The following LUM variants were observed in gnomAD, a reference collection of about 807,000 sequenced individuals.
The protein encoded by LUM is lumican.
In LUM, 13 loss-of-function variants were observed where a neutral mutation model predicts 20.5. The ratio of observed to expected loss-of-function variants is 0.63; its 90% CI spans 0.41 to 1.01. LUM has a LOEUF of 1.01. LUM is among the 50% of genes least tolerant of loss of function. LUM has a pLI of 0.00. For missense variants in LUM, 321 were observed against 391.1 expected, an observed-to-expected ratio of 0.82 and a Z score of 1.51; for synonymous variants, 173 against 151.5, an observed-to-expected ratio of 1.14 and a Z score of -1.04.
chr12:91,108,008 C>T lies in LUM; in HGVS notation c.862+110G>A. On this transcript the variant is annotated intron_variant, in intron 2 of 2. Transcript: ENST00000266718. This position sits in a 1 kb window ranked among gnomAD's most constrained non-coding sequence, Gnocchi z 4.2. The stretch of plus-strand genomic sequence containing the variant: ...ATTTACAGGAATGAGCCACAGCGCC[C>T]GGGCGACATTTTGTTTTTTTAATGG... The T allele has an allele frequency of 3.9e-6, 5 of 1,276,874 alleles. No individual in the cohort carries two copies. Among genetic ancestry groups the T allele is most frequent in the Admixed American group, 1.7e-5 (1 of 59,288 alleles). 79.1% of individuals were successfully genotyped at this position (1,276,874 alleles called of 1,614,324 possible). A position where few individuals can be genotyped will look rare whatever the true frequency, so the allele number is the denominator to read the frequency against.
chr12:91,109,166 A>G (rs550343061), intron 1 of LUM, among the ~76,000 whole-genome samples, 166 bp from the exon 2 acceptor site: 22 of 152,354 alleles, frequency 1.4e-4, no homozygotes, highest in African/African-American at 4.8e-4. Flanking sequence ...GTATGAGGAC[A>G]AAGGTGTATG....
At chr12:91,111,312 G>T (rs554413383) in intron 1 of LUM, 86 bp downstream of exon 1, 2 of 152,294 alleles carry the variant, frequency 1.3e-5, no homozygotes, top group Non-Finnish European at 2.9e-5. Flanking sequence ...TGGCAAAATT[G>T]CTCTGGAATT....
chr12:91,106,346 A>G (rs1880032117), intron 2 of LUM, among the ~76,000 whole-genome samples: 1 of 152,122 alleles, frequency 6.6e-6, no homozygotes, highest in South Asian at 2.1e-4. Context: ...AGACATTATT[A>G]CTTTATATGT....
chr12:91,107,297 GAAAGAAAGAAAGAAAGAAAGAA>G (rs1880091408), intron 2 of LUM, among the ~76,000 whole-genome samples: 1 of 104,370 alleles, frequency 9.6e-6, no homozygotes, highest in African/African-American at 3.8e-5. Context: ...GAGAAAGAAA[GAAAGAAAGAAAGAAAGAAAGAA>G]AGAAAGAAAG....
At chr12:91,105,516 A>G (rs1042102300) in intron 2 of LUM, among the ~76,000 whole-genome samples, 1 of 152,180 alleles carries the variant, frequency 6.6e-6, no homozygotes, top group Non-Finnish European at 1.5e-5. Context: ...ATATTCCCTA[A>G]TATTAGAAAA....
rs1592661354 is a variant in LUM at position 91,104,261 on chromosome 12, C to G, written c.921G>C (p.Lys307Asn). 6.2e-7 allele frequency: 1 copy of G among 1,612,892 alleles called. No individual in the cohort carries two copies. Among genetic ancestry groups the G allele is most frequent in the African/African-American group, 1.3e-5 (1 of 74,972 alleles). The change falls in exon 3 of 3, where the codon AAG (lysine) becomes AAC (asparagine). Residue 307 changes from lysine to asparagine, a missense_variant. Coordinates refer to ENST00000266718, the MANE Select transcript of LUM (RefSeq NM_002345.4). ...ILGPLSYSKI[K>N]HLRLDGNRIS... is the part of the protein sequence containing the mutation. ...TGCGATTGCCATCCAAACGCAAATG[C>G]TTGATCTTGGAGTAGGATAATGGCC...
rs144214151 is a variant in LUM at position 91,108,422 on chromosome 12, G to C, written c.558C>G (p.Leu186=). 4.3e-6 allele frequency: 7 copies of C among 1,614,088 alleles called. No individual in the cohort carries two copies. Among genetic ancestry groups the C allele is most frequent in the Non-Finnish European group, 5.9e-6 (7 of 1,179,994 alleles). ...VSAAFKGLKS[L]EYLDLSFNQI... ...GATTGAAGCTCAAGTCAAGGTATTC[G>C]AGTGATTTAAGACCTTTAAAAGCAG... The change falls in exon 2 of 3, where the codon CTC becomes CTG. Residue 186 remains leucine, a synonymous_variant. Coordinates refer to ENST00000266718, the MANE Select transcript of LUM (RefSeq NM_002345.4). The surrounding 1 kb of genome is among the most constrained non-coding windows in gnomAD (Gnocchi z 4.2).
At chr12:91,105,378 T>C (rs1880007856) in intron 2 of LUM, among the ~76,000 whole-genome samples, 1 of 152,176 alleles carries the variant, frequency 6.6e-6, no homozygotes, top group African/African-American at 2.4e-5. Flanking sequence ...ACATAGTATG[T>C]CCTAAATAAT....
chr12:91,107,199 A>AAAAG (rs71097876), intron 2 of LUM, among the ~76,000 whole-genome samples: 1,788 of 46,432 alleles, frequency 0.039, 229 homozygotes, highest in East Asian at 0.26. Context: ...GAAGGAAAGA[A>AAAAG]AAAGAAAGAA....
At chr12:91,104,532 T>A (rs1879988447) in intron 2 of LUM, among the ~76,000 whole-genome samples, 1 of 152,158 alleles carries the variant, frequency 6.6e-6, no homozygotes, top group South Asian at 2.1e-4. Flanking sequence ...TCATGGTAGA[T>A]CAAGATATTC....
chr12:91,104,054 C>G lies in LUM; in HGVS notation c.*111G>C, dbSNP rs1565757344. On this transcript the variant is annotated 3_prime_UTR_variant, in exon 3 of 3. Transcript: ENST00000266718. ...AAAAATAAATGTTTACAAAACATTT[C>G]CCTCAGATTTTAAAATTCATGGAAG... 7 of 894,918 alleles carry G rather than the reference C, an allele frequency of 7.8e-6. No homozygotes were observed. The East Asian group carries it at 1.8e-4, about 23-fold the overall frequency. The allele number at this position is 894,918 out of a possible 1,614,324, so 55.4% of individuals were successfully genotyped here. A position where few individuals can be genotyped will look rare whatever the true frequency, so the allele number is the denominator to read the frequency against.
intron 2 of LUM, among the ~76,000 whole-genome samples, chr12:91,107,289 G>T (rs200959880): frequency 1.4e-5 from 1 of 72,726 alleles, no homozygotes; most frequent in Non-Finnish European, 2.8e-5. Flanking sequence ...GAAAGAAAGA[G>T]AAAGAAAGAA....
intron 2 of LUM, among the ~76,000 whole-genome samples, chr12:91,106,630 T>C (rs1278541744): frequency 7.9e-6 from 1 of 125,800 alleles, no homozygotes; most frequent in Admixed American, 9.8e-5. Flanking sequence ...TGTGGAAATA[T>C]CAAATGAGGG....
chr12:91,104,821 C>T (rs1383608550), intron 2 of LUM, among the ~76,000 whole-genome samples: 1 of 152,090 alleles, frequency 6.6e-6, no homozygotes, highest in Non-Finnish European at 1.5e-5. Flanking sequence ...CAAATCATTC[C>T]AGCAATCACA....
chr12:91,108,904 G>A lies in LUM; in HGVS notation c.76C>T (p.Pro26Ser). The A allele has an allele frequency of 1.2e-6, 2 of 1,613,834 alleles. No individual in the cohort carries two copies. Among genetic ancestry groups the A allele is most frequent in the Non-Finnish European group, 1.7e-6 (2 of 1,179,886 alleles). The stretch of plus-strand genomic sequence containing the variant: ...GATGATTGCCCATAAATTGATAGGG[G>A]AAAATCATAATCATAGTACTGGCCA... The part of the protein sequence containing the change: ...TSGQYYDYDF[P>S]LSIYGQSSPN... The change falls in exon 2 of 3, where the codon CCC becomes TCC. Residue 26 changes from proline to serine, a missense_variant. Physicochemically the swap from Pro to Ser is moderately conservative, Grantham distance 74. Coordinates refer to ENST00000266718, the MANE Select transcript of LUM (RefSeq NM_002345.4). The surrounding 1 kb of genome is among the most constrained non-coding windows in gnomAD (Gnocchi z 4.2).
Position 91,110,164 on chromosome 12 carries a change from T to C in LUM, c.-21-1164A>G, listed in dbSNP as rs570877250. Among the ~76,000 whole-genome samples, 3 of 152,276 alleles carry C rather than the reference T, an allele frequency of 2.0e-5. No individual in the cohort carries two copies. The East Asian group carries it at 5.8e-4, about 29-fold the overall frequency. On this transcript the variant is annotated intron_variant, in intron 1 of 2. Coordinates refer to ENST00000266718, the MANE Select transcript of LUM (RefSeq NM_002345.4). ...ACAGTTGTGGCTGAGGCAAAGTTGG[T>C]AGCCCTGGGAGATAAATCATTAATG...
chr12:91,105,964 C>T (rs561065382), intron 2 of LUM, among the ~76,000 whole-genome samples: 106 of 152,320 alleles, frequency 7.0e-4, no homozygotes, highest in African/African-American at 2.4e-3. Flanking sequence ...GAGTATCCTT[C>T]CTCCTAACCA....
rs1359326018 is a variant in LUM at position 91,108,284 on chromosome 12, C to T, written c.696G>A (p.Gln232=). The change falls in exon 2 of 3, where the codon CAG becomes CAA. Residue 232 remains glutamine (Q), a synonymous_variant. Transcript: ENST00000266718. This position sits in a 1 kb window ranked among gnomAD's most constrained non-coding sequence, Gnocchi z 4.2. ...DEYFKRFNAL[Q]YLRLSHNELA... Reference sequence around the variant, plus strand: ...GTTCGTTGTGAGATAAACGCAGATACTGCAATGCATTAAAACGCTTGAAAT... The same window carrying T: ...GTTCGTTGTGAGATAAACGCAGATATTGCAATGCATTAAAACGCTTGAAAT... 1.2e-6 allele frequency: 2 copies of T among 1,614,158 alleles called. No homozygotes were observed. The highest frequency in any genetic ancestry group is 1.7e-6 in the Non-Finnish European group (2 of 1,180,010).
Position 91,108,048 on chromosome 12 carries a change from T to C in LUM, c.862+70A>G. ...TTTTTTAATGGAGCCAGATGCAATA[T>C]CTGTGTTGTGCAGCCCAGGTATTTA... is the stretch of plus-strand genomic sequence containing the variant. On this transcript the variant is annotated intron_variant, in intron 2 of 2. Coordinates refer to ENST00000266718, the MANE Select transcript of LUM (RefSeq NM_002345.4). This position sits in a 1 kb window ranked among gnomAD's most constrained non-coding sequence, Gnocchi z 4.2. 1 of 1,510,610 alleles carries C rather than the reference T, an allele frequency of 6.6e-7. No homozygotes were observed. Among genetic ancestry groups the C allele is most frequent in the South Asian group, 1.1e-5 (1 of 88,138 alleles). The allele number at this position is 1,510,610 out of a possible 1,614,324, so 93.6% of individuals were successfully genotyped here.
Sources: gnomAD v4.1 joint callset for allele counts (sites outside exome capture counted in the v4.1 genomes callset) on GRCh38, gnomAD v4.1.1 for gene constraint, Gnocchi (gnomAD v3.1) non-coding constraint, MANE v1.5 for transcripts, NCBI Gene and HGNC (gene_info 2026-07-23, HGNC 2026-07-21) for gene names.